The following JAZF1 variants were observed in gnomAD, a reference collection of about 807,000 sequenced individuals.
The protein encoded by JAZF1 is juxtaposed with another zinc finger protein 1.
A neutral mutation model predicts 26.4 loss-of-function variants in JAZF1; 8 were observed. That is an observed-to-expected ratio of 0.30 (90% CI 0.18 to 0.55). The LOEUF (loss-of-function observed/expected upper bound fraction) is 0.55, where lower values mean the gene tolerates loss of function less well. Ranked by LOEUF, JAZF1 falls within the 20% of genes least tolerant of loss-of-function variation. JAZF1 has a pLI of 0.94. For missense variants in JAZF1, 199 were observed against 322.0 expected, an observed-to-expected ratio of 0.62 and a Z score of 2.92; for synonymous variants, 126 against 122.3, an observed-to-expected ratio of 1.03 and a Z score of -0.20.
chr7:27,878,978 G>A (rs112976028), intron 3 of JAZF1, among the ~76,000 whole-genome samples: 3 of 152,158 alleles, frequency 2.0e-5, no homozygotes, highest in Admixed American at 6.5e-5. Context: ...CATTTGTACC[G>A]AACACAAAAG....
intron 2 of JAZF1, among the ~76,000 whole-genome samples, chr7:27,982,738 G>A (rs1194135872): frequency 2.0e-5 from 3 of 152,088 alleles, no homozygotes; most frequent in East Asian, 1.9e-4. Flanking sequence ...CCTCTGAGAC[G>A]AAGCTTCCAG....
At chr7:28,105,191 A>G (rs923612438) in intron 1 of JAZF1, among the ~76,000 whole-genome samples, 1 of 152,220 alleles carries the variant, frequency 6.6e-6, no homozygotes, top group Non-Finnish European at 1.5e-5. Flanking sequence ...TCAATGCCAA[A>G]GTCTCTTGGC....
intron 4 of JAZF1, among the ~76,000 whole-genome samples, chr7:27,839,963 G>A (rs1321364389): frequency 2.6e-5 from 4 of 152,130 alleles, no homozygotes; most frequent in Admixed American, 6.5e-5. Context: ...AACACCTCAT[G>A]GGGAAGTTTG....
intron 1 of JAZF1, among the ~76,000 whole-genome samples, chr7:27,993,449 G>T (rs1469792227): frequency 6.6e-6 from 1 of 152,158 alleles, no homozygotes; most frequent in African/African-American, 2.4e-5. Context: ...GTTTTCAAAC[G>T]TAACTCTTAC....
At chr7:27,999,364 C>T (rs1234267577) in intron 1 of JAZF1, among the ~76,000 whole-genome samples, 1 of 152,128 alleles carries the variant, frequency 6.6e-6, no homozygotes, top group African/African-American at 2.4e-5. Flanking sequence ...GCTGGTATAC[C>T]TCCCCTGCTC....
chr7:27,879,429 TC>T (rs1783731581), intron 3 of JAZF1, among the ~76,000 whole-genome samples: 4 of 152,142 alleles, frequency 2.6e-5, no homozygotes, highest in Admixed American at 2.6e-4. Flanking sequence ...TTTGCAAGCA[TC>T]ATGAACAGAG....
Position 28,071,043 on chromosome 7 carries a change from G to C in JAZF1, c.116-79062C>G, listed in dbSNP as rs116004607. 9.7e-3 allele frequency among the ~76,000 whole-genome samples: 1,481 copies of C among 152,292 alleles called. 27 individuals are homozygous for C. The highest frequency in any genetic ancestry group is 0.034 in the African/African-American group (1,416 of 41,564). On this transcript the variant is annotated intron_variant, in intron 1 of 4. Coordinates refer to ENST00000283928, the MANE Select transcript of JAZF1 (RefSeq NM_175061.4). ...GGCATCTTACCTAGAACTGGTTACCGGGTGAAGGTAAGATAAACAGAGTAT... is the reference window on the plus strand; with the variant it reads ...GGCATCTTACCTAGAACTGGTTACCCGGTGAAGGTAAGATAAACAGAGTAT...
At chr7:28,098,638 A>T (rs1784421898) in intron 1 of JAZF1, among the ~76,000 whole-genome samples, 1 of 152,172 alleles carries the variant, frequency 6.6e-6, no homozygotes, top group Admixed American at 6.5e-5. Flanking sequence ...GCTCCTTTGA[A>T]CTCTGGGATG....
chr7:27,831,215 T>TA lies in JAZF1; in HGVS notation c.*1584_*1585insT, dbSNP rs1334350486. On this transcript the variant is annotated 3_prime_UTR_variant, in exon 5 of 5. Transcript: ENST00000283928. ...TCATAATGAAGGATTTTAGAACTTA[T>TA]GAATATAGAGGTTTACTCATCTAAC... 4.5e-6 allele frequency: 1 copy of TA among 223,548 alleles called. No individual in the cohort carries two copies. Among genetic ancestry groups the TA allele is most frequent in the Non-Finnish European group, 8.9e-6 (1 of 111,802 alleles). 13.8% of individuals were successfully genotyped at this position (223,548 alleles called of 1,614,324 possible).
chr7:27,956,810 G>A (rs952707587), intron 2 of JAZF1, among the ~76,000 whole-genome samples: 4 of 152,140 alleles, frequency 2.6e-5, no homozygotes, highest in South Asian at 2.1e-4. Flanking sequence ...CATGGCTGTC[G>A]GAGAAGAATA....
intron 1 of JAZF1, among the ~76,000 whole-genome samples, chr7:28,153,657 C>A (rs1783140363): frequency 6.6e-6 from 1 of 152,174 alleles, no homozygotes; most frequent in Non-Finnish European, 1.5e-5. Context: ...GAACTATGTT[C>A]TCTTCACCAA....
intron 1 of JAZF1, among the ~76,000 whole-genome samples, chr7:28,153,694 T>A (rs747887803): frequency 6.6e-6 from 1 of 152,198 alleles, no homozygotes; most frequent in Non-Finnish European, 1.5e-5. Flanking sequence ...CCCTCTTCTC[T>A]TCCTCATTCA....
chr7:27,948,734 A>C (rs1784959130), intron 2 of JAZF1, among the ~76,000 whole-genome samples: 1 of 152,222 alleles, frequency 6.6e-6, no homozygotes, highest in Non-Finnish European at 1.5e-5. Context: ...AAGGGTTTGC[A>C]GATAGATTGC....
At chr7:28,122,299 C>T (rs1455711385) in intron 1 of JAZF1, among the ~76,000 whole-genome samples, 1 of 152,190 alleles carries the variant, frequency 6.6e-6, no homozygotes, top group East Asian at 1.9e-4. Context: ...CCTTCCTCCC[C>T]TGCAAATAGG....
At chr7:28,114,281 C>T (rs931428296) in intron 1 of JAZF1, among the ~76,000 whole-genome samples, 2 of 152,146 alleles carry the variant, frequency 1.3e-5, no homozygotes, top group Admixed American at 1.3e-4. Flanking sequence ...AACGCAGGCA[C>T]CTGGCCAGCC....
In JAZF1 at chr7:27,895,476, C is replaced by T. The variant is rs553663331; in HGVS notation, c.189-60G>A. The T allele has an allele frequency of 7.1e-6, 9 of 1,266,852 alleles. No homozygotes were observed. In the East Asian group the frequency reaches 2.4e-4, roughly 33 times the overall value. 78.5% of individuals were successfully genotyped at this position (1,266,852 alleles called of 1,614,324 possible). ...ATGTATAGAGCATGAGGACTGATGA[C>T]ATTTATTAGAGTTTCAGACATGCAC... On this transcript the variant is annotated intron_variant, in intron 2 of 4. Coordinates refer to ENST00000283928, the MANE Select transcript of JAZF1 (RefSeq NM_175061.4).
rs186237359 is a variant in JAZF1 at position 27,840,506 on chromosome 7, G to A, written c.555+192C>T. Reference sequence around the variant, plus strand: ...CAGAGGGGAAAGCCCCGGCAGCAGCGGTGGCGGGTGAGCACTTCCTTGAGG... The same window carrying A: ...CAGAGGGGAAAGCCCCGGCAGCAGCAGTGGCGGGTGAGCACTTCCTTGAGG... On this transcript the variant is annotated intron_variant, in intron 4 of 4. Coordinates refer to ENST00000283928, the MANE Select transcript of JAZF1 (RefSeq NM_175061.4). This position sits in a 1 kb window ranked among gnomAD's most constrained non-coding sequence, Gnocchi z 5.1. Among the ~76,000 whole-genome samples, 3 of 152,262 alleles carry A rather than the reference G, an allele frequency of 2.0e-5. No individual in the cohort carries two copies. Among genetic ancestry groups the A allele is most frequent in the Non-Finnish European group, 2.9e-5 (2 of 68,046 alleles).
intron 2 of JAZF1, among the ~76,000 whole-genome samples, chr7:27,984,959 TA>T (rs1208111505): frequency 1.3e-5 from 2 of 152,220 alleles, no homozygotes; most frequent in Non-Finnish European, 2.9e-5. Context: ...AAGCAGTGTT[TA>T]GGGGGAAATT....
chr7:27,896,754 A>G (rs1163732504), intron 2 of JAZF1, among the ~76,000 whole-genome samples: 6 of 152,228 alleles, frequency 3.9e-5, no homozygotes, highest in Admixed American at 6.5e-5. Context: ...TAAAATTTCT[A>G]TTTTTATACT....
Sources: allele counts gnomAD v4.1 joint callset (sites outside exome capture counted in the v4.1 genomes callset), GRCh38; gene constraint gnomAD v4.1.1; non-coding constraint Gnocchi (gnomAD v3.1); transcripts MANE v1.5; gene names NCBI Gene and HGNC (gene_info 2026-07-23, HGNC 2026-07-21).